Variants in PTBP2 observed in about 807,000 individuals in gnomAD.
PTBP2 encodes the protein polypyrimidine tract binding protein 2.
A neutral mutation model predicts 61.4 loss-of-function variants in PTBP2; 13 were observed. The observed-to-expected ratio is 0.21, with a 90% confidence interval of 0.14 to 0.34. PTBP2 has a LOEUF of 0.34. Ranked by LOEUF, PTBP2 falls within the 10% of genes least tolerant of loss-of-function variation. The probability of loss-of-function intolerance (pLI) is 1.00; values close to 1 mark genes in which losing one functional copy is unlikely to be tolerated. For missense variants in PTBP2, 405 were observed against 642.6 expected, an observed-to-expected ratio of 0.63 and a Z score of 4.00; for synonymous variants, 215 against 218.5, an observed-to-expected ratio of 0.98 and a Z score of 0.14.
chr1:96,728,298 C>G (rs988245212), intron 2 of PTBP2, among the ~76,000 whole-genome samples: 29 of 152,154 alleles, frequency 1.9e-4, no homozygotes, highest in African/African-American at 6.5e-4. Flanking sequence ...CCTTTGTTTT[C>G]TAATAGAAGT....
intron 4 of PTBP2, among the ~76,000 whole-genome samples, chr1:96,770,298 C>T (rs1432872091): frequency 6.6e-6 from 1 of 151,974 alleles, no homozygotes; most frequent in Non-Finnish European, 1.5e-5. Flanking sequence ...CTTTTATATA[C>T]TTGAGGTTAA....
chr1:96,780,397 A>G (rs888602355), intron 7 of PTBP2, among the ~76,000 whole-genome samples: 2 of 151,868 alleles, frequency 1.3e-5, no homozygotes, highest in Non-Finnish European at 2.9e-5. Flanking sequence ...CTTCTTAAAT[A>G]GTCTATCTTT....
intron 7 of PTBP2, among the ~76,000 whole-genome samples, chr1:96,784,478 A>G (rs1659014610): frequency 6.6e-6 from 1 of 152,170 alleles, no homozygotes; most frequent in Non-Finnish European, 1.5e-5. Context: ...TGGATTTGCT[A>G]ATTTCATCAA....
chr1:96,750,289 T>C (rs1654372879), intron 2 of PTBP2, among the ~76,000 whole-genome samples: 1 of 152,060 alleles, frequency 6.6e-6, no homozygotes, highest in South Asian at 2.1e-4. Context: ...CTTATAAAAC[T>C]ATGCCATGCC....
intron 8 of PTBP2, among the ~76,000 whole-genome samples, chr1:96,797,580 AGGACAC>A (rs1221490314): frequency 6.6e-6 from 1 of 152,158 alleles, no homozygotes; most frequent in East Asian, 1.9e-4. Context: ...GATTGGTTCT[AGGACAC>A]ACACAGTCCC....
intron 8 of PTBP2, among the ~76,000 whole-genome samples, chr1:96,792,615 TA>T (rs1415402402): frequency 6.6e-6 from 1 of 152,192 alleles, no homozygotes; most frequent in African/African-American, 2.4e-5. Context: ...CATACTAAGA[TA>T]TTTTTTGTTA....
intron 3 of PTBP2, among the ~76,000 whole-genome samples, chr1:96,765,706 T>TC (rs1396753957): frequency 2.1e-5 from 2 of 96,036 alleles, no homozygotes; most frequent in Non-Finnish European, 2.1e-5. Flanking sequence ...CAAGACTCTG[T>TC]CTTAGATAGA....
At position 96,814,183 on chromosome 1, in the gene PTBP2, A is replaced by T. The variant is rs920389802; in HGVS notation, c.*778A>T. The T allele has an allele frequency of 1.3e-5, 2 of 152,492 alleles. No homozygotes were observed. Among genetic ancestry groups the T allele is most frequent in the African/African-American group, 4.8e-5 (2 of 41,444 alleles). 9.4% of individuals were successfully genotyped at this position (152,492 alleles called of 1,614,324 possible). Reference sequence around the variant, plus strand: ...ATCATATAAATGTCAGCACTAAGTAATGTCTTGTTTGTGGCTGAATATTTT... The same window carrying T: ...ATCATATAAATGTCAGCACTAAGTATTGTCTTGTTTGTGGCTGAATATTTT... On this transcript the variant is annotated 3_prime_UTR_variant, in exon 14 of 14. Transcript: ENST00000674951.
intron 3 of PTBP2, among the ~76,000 whole-genome samples, chr1:96,751,826 A>G (rs1654583326): frequency 6.6e-6 from 1 of 151,964 alleles, no homozygotes; most frequent in Admixed American, 6.6e-5. Context: ...TGTGTGTCAT[A>G]TAATATTTTT....
intron 2 of PTBP2, among the ~76,000 whole-genome samples, chr1:96,729,220 C>G (rs922787670): frequency 2.0e-5 from 3 of 152,100 alleles, no homozygotes; most frequent in Non-Finnish European, 4.4e-5. Context: ...CAGGGTTTCA[C>G]CATGTTGGCC....
chr1:96,788,182 G>A (rs1297671411), intron 8 of PTBP2, among the ~76,000 whole-genome samples: 1 of 152,042 alleles, frequency 6.6e-6, no homozygotes, highest in East Asian at 1.9e-4. Context: ...TTGCTTGCCT[G>A]CATTCTTTCT....
intron 2 of PTBP2, among the ~76,000 whole-genome samples, chr1:96,739,153 A>G (rs931954832): frequency 3.9e-5 from 6 of 152,096 alleles, no homozygotes; most frequent in Admixed American, 6.6e-5. Flanking sequence ...GTAATTCTTT[A>G]TATATTTTCT....
chr1:96,818,422 G>A (rs1662560771), downstream of PTBP2: 1 of 151,978 alleles, frequency 6.6e-6, no homozygotes, highest in African/African-American at 2.4e-5. Flanking sequence ...AAGAAATTTT[G>A]TAGCATATAT....
intron 8 of PTBP2, among the ~76,000 whole-genome samples, chr1:96,795,403 G>A (rs959145828): frequency 6.6e-6 from 1 of 152,196 alleles, no homozygotes; most frequent in African/African-American, 2.4e-5. Flanking sequence ...ATGTGGAGGA[G>A]TCCACTGGAC....
In PTBP2 at chr1:96,769,861, A is replaced by G; in HGVS notation, c.274A>G (p.Lys92Glu). 1 of 1,590,302 alleles carries G rather than the reference A, an allele frequency of 6.3e-7. No homozygotes were observed. The highest frequency in any genetic ancestry group is 8.6e-7 in the Non-Finnish European group (1 of 1,169,588). ...TAAGGTGACCAACATCCTTATGCTG[A>G]AAGGAAAAAATCAGGTACACTTCTT... ...FGKVTNILML[K>E]GKNQAFLELA... The change falls in exon 4 of 14, where the codon AAA (lysine) becomes GAA (glutamate). Residue 92 changes from lysine (K) to glutamate (E), a missense_variant. Transcript: ENST00000674951.
chr1:96,794,471 A>C (rs1660166430), intron 8 of PTBP2, among the ~76,000 whole-genome samples: 1 of 152,248 alleles, frequency 6.6e-6, no homozygotes, highest in Non-Finnish European at 1.5e-5. Flanking sequence ...GGTAAAGGTT[A>C]TGCAGAAGAT....
At chr1:96,801,144 A>C (rs981880838) in intron 8 of PTBP2, among the ~76,000 whole-genome samples, 1 of 152,114 alleles carries the variant, frequency 6.6e-6, no homozygotes, top group African/African-American at 2.4e-5. Context: ...TAGATTGATA[A>C]TTTTTTATAT....
intron 3 of PTBP2, among the ~76,000 whole-genome samples, chr1:96,752,999 CCAAGAGTGGGTGTCAG>C (rs1654753731): frequency 6.6e-6 from 1 of 151,896 alleles, no homozygotes; most frequent in Non-Finnish European, 1.5e-5. Flanking sequence ...GCTGAAGAGA[CCAAGAGTGGGTGTCAG>C]GGCTGCCCAA....
At chr1:96,798,773 A>C (rs1660651306) in intron 8 of PTBP2, among the ~76,000 whole-genome samples, 1 of 152,216 alleles carries the variant, frequency 6.6e-6, no homozygotes. Flanking sequence ...AATAAATTGT[A>C]ATACCATACT....
Sources: gnomAD v4.1 joint callset for allele counts (sites outside exome capture counted in the v4.1 genomes callset) on GRCh38, gnomAD v4.1.1 for gene constraint, MANE v1.5 for transcripts, NCBI Gene and HGNC (gene_info 2026-07-23, HGNC 2026-07-21) for gene names.